The following SLCO1C1 variants were observed in gnomAD, a reference collection of about 807,000 sequenced individuals.
SLCO1C1 encodes solute carrier organic anion transporter family member 1C1.
In SLCO1C1, 70 loss-of-function variants were observed where a neutral mutation model predicts 76.4. That is an observed-to-expected ratio of 0.92 (90% CI 0.76 to 1.12). The LOEUF is 1.12. Ranked by LOEUF, SLCO1C1 falls within the 50% of genes most tolerant of loss-of-function variation. The pLI, the probability that SLCO1C1 is intolerant of heterozygous loss-of-function variation, is 0.00. For missense variants in SLCO1C1, 912 were observed against 823.8 expected (o/e 1.11, Z -1.31); for synonymous variants, 306 against 286.1 (o/e 1.07, Z -0.70).
At position 20,695,429 on chromosome 12, in the gene SLCO1C1, G is replaced by C. The variant is rs572497950; in HGVS notation, c.-404G>C. On this transcript the variant is annotated 5_prime_UTR_variant, in exon 1 of 15. Transcript: ENST00000266509. Reference sequence around the variant, plus strand: ...TTATTCACTCTCTCCCATAAAGAAAGCTTTATCACGTGTGGCCTTAAACTT... The same window carrying C: ...TTATTCACTCTCTCCCATAAAGAAACCTTTATCACGTGTGGCCTTAAACTT... 5 of 152,226 alleles carry C rather than the reference G, an allele frequency of 3.3e-5. No homozygotes were observed. The highest frequency in any genetic ancestry group is 3.3e-4 in the Admixed American group (5 of 15,280). The allele number at this position is 152,226 out of a possible 1,614,324, so 9.4% of individuals were successfully genotyped here.
chr12:20,702,835 T>A (rs1946586382), intron 3 of SLCO1C1, among the ~76,000 whole-genome samples: 1 of 151,848 alleles, frequency 6.6e-6, no homozygotes, highest in African/African-American at 2.4e-5. Context: ...GATGTTTTGA[T>A]GTTTTTCTCA....
At chr12:20,750,281 AG>A (rs748298973) in intron 13 of SLCO1C1, among the ~76,000 whole-genome samples, 3 of 152,190 alleles carry the variant, frequency 2.0e-5, no homozygotes, top group Non-Finnish European at 2.9e-5. Context: ...TATACCTAAT[AG>A]ATAGACTCAG....
chr12:20,704,814 G>T (rs1398280593), intron 3 of SLCO1C1, among the ~76,000 whole-genome samples: 1 of 151,940 alleles, frequency 6.6e-6, no homozygotes, highest in East Asian at 1.9e-4. Flanking sequence ...ACAATCAATT[G>T]CTGGGAAATT....
chr12:20,715,341 C>T (rs2120704955), intron 6 of SLCO1C1, 56 bp downstream of exon 6: 1 of 1,589,866 alleles, frequency 6.3e-7, no homozygotes. Flanking sequence ...GTCTAGTTTT[C>T]TGAATTCCCC....
Position 20,731,366 on chromosome 12 carries a change from G to T in SLCO1C1, c.1187-1543G>T, listed in dbSNP as rs78589906. On this transcript the variant is annotated intron_variant, in intron 9 of 14. Transcript: ENST00000266509. The stretch of plus-strand genomic sequence containing the variant: ...TTAAGGTTCTGTGATGCTTTGTTAA[G>T]AAACTAAATATATAAACTTAAAAAG... Among the ~76,000 whole-genome samples the T allele has an allele frequency of 1.4e-4, 21 of 149,904 alleles. No homozygotes were observed. The Middle Eastern group carries it at 0.01, about 73-fold the overall frequency.
At chr12:20,746,599 A>G (rs903870665) in intron 13 of SLCO1C1, among the ~76,000 whole-genome samples, 1 of 152,192 alleles carries the variant, frequency 6.6e-6, no homozygotes, top group Non-Finnish European at 1.5e-5. Context: ...GCATCTTAGC[A>G]TTACTAAGAG....
intron 1 of SLCO1C1, among the ~76,000 whole-genome samples, chr12:20,698,995 C>T (rs1263064948): frequency 1.3e-5 from 2 of 151,986 alleles, no homozygotes; most frequent in East Asian, 1.9e-4. Flanking sequence ...TCATGTTGCT[C>T]CCTTATTTAT....
intron 11 of SLCO1C1, among the ~76,000 whole-genome samples, chr12:20,738,638 T>A (rs544639705): frequency 6.6e-6 from 1 of 152,326 alleles, no homozygotes; most frequent in Admixed American, 6.5e-5. Flanking sequence ...CTTCCTTTGT[T>A]ATTTTTCTTT....
At chr12:20,727,144 T>C (rs1399731732) in intron 9 of SLCO1C1, among the ~76,000 whole-genome samples, 2 of 152,212 alleles carry the variant, frequency 1.3e-5, no homozygotes, top group African/African-American at 4.8e-5. Context: ...CTATTGTGAA[T>C]AGAGCTGTGA....
At chr12:20,710,597 T>G (rs1947041018) in intron 4 of SLCO1C1, among the ~76,000 whole-genome samples, 1 of 152,156 alleles carries the variant, frequency 6.6e-6, no homozygotes, top group Non-Finnish European at 1.5e-5. Context: ...TTATCCCAGT[T>G]GCTATCATAA....
chr12:20,732,411 T>C (rs7297751), intron 9 of SLCO1C1, among the ~76,000 whole-genome samples: 2,668 of 152,240 alleles, frequency 0.018, 85 homozygotes, highest in African/African-American at 0.06. Context: ...TGGTACGTTA[T>C]AGGCAAGTAA....
At chr12:20,716,535 G>C (rs1388809766) in intron 6 of SLCO1C1, among the ~76,000 whole-genome samples, 1 of 152,172 alleles carries the variant, frequency 6.6e-6, no homozygotes, top group Non-Finnish European at 1.5e-5. Context: ...ATTAGAAATG[G>C]TGTCCTTTAG....
At chr12:20,715,654 C>T (rs1358660845) in intron 6 of SLCO1C1, among the ~76,000 whole-genome samples, 2 of 151,788 alleles carry the variant, frequency 1.3e-5, no homozygotes, top group Non-Finnish European at 2.9e-5. Flanking sequence ...GTTCCTTGAG[C>T]CCTAGCTTTC....
intron 9 of SLCO1C1, among the ~76,000 whole-genome samples, chr12:20,731,245 A>G (rs1390083219): frequency 6.6e-6 from 1 of 152,160 alleles, no homozygotes; most frequent in Non-Finnish European, 1.5e-5. Context: ...GCTTCTTTCT[A>G]TTCCTATAAT....
chr12:20,723,095 C>T lies in SLCO1C1; in HGVS notation c.1027C>T (p.Leu343Phe), dbSNP rs1176812432. The T allele has an allele frequency of 6.2e-7, 1 of 1,601,310 alleles. No individual in the cohort carries two copies. Among genetic ancestry groups the T allele is most frequent in the Admixed American group, 1.8e-5 (1 of 56,046 alleles). ...ATGTTATTTTTGTTTTACAGATTTTCTTCCATCACTGAAGAATCTTTTTGG... is the reference window on the plus strand; with the variant it reads ...ATGTTATTTTTGTTTTACAGATTTTTTTCCATCACTGAAGAATCTTTTTGG... ...AKIMEMARDF[L>F]PSLKNLFGNP... The change falls in exon 9 of 15, where the codon CTT becomes TTT. Residue 343 changes from leucine to phenylalanine, a missense_variant. Transcript: ENST00000266509.
intron 5 of SLCO1C1, among the ~76,000 whole-genome samples, chr12:20,714,121 T>C (rs1377309337): frequency 1.3e-5 from 2 of 152,222 alleles, no homozygotes; most frequent in Non-Finnish European, 2.9e-5. Context: ...TCTTTTCTGT[T>C]AGTTATGCAG....
chr12:20,726,679 T>C (rs930505981), intron 9 of SLCO1C1, among the ~76,000 whole-genome samples: 1 of 152,096 alleles, frequency 6.6e-6, no homozygotes, highest in Non-Finnish European at 1.5e-5. Flanking sequence ...TTTTCTTTTG[T>C]CTTTTATTTA....
At chr12:20,715,666 A>G (rs1436117794) in intron 6 of SLCO1C1, among the ~76,000 whole-genome samples, 1 of 151,790 alleles carries the variant, frequency 6.6e-6, no homozygotes, top group Admixed American at 6.6e-5. Context: ...CTAGCTTTCC[A>G]TTTGATAAGC....
intron 7 of SLCO1C1, among the ~76,000 whole-genome samples, 193 bp from the exon 8 acceptor site, chr12:20,721,611 G>T (rs1179022827): frequency 6.6e-6 from 1 of 151,842 alleles, no homozygotes; most frequent in East Asian, 1.9e-4. Context: ...TCATTGTGGT[G>T]GTCTGGAGCT....
Sources: gnomAD v4.1 joint callset for allele counts (sites outside exome capture counted in the v4.1 genomes callset) on GRCh38, gnomAD v4.1.1 for gene constraint, MANE v1.5 for transcripts, NCBI Gene and HGNC (gene_info 2026-07-23, HGNC 2026-07-21) for gene names.